Variants in DNM1L observed in about 807,000 individuals in gnomAD.
DNM1L encodes dynamin 1L, also known as dynamin-1-like protein.
In DNM1L, 33 loss-of-function variants were observed where a neutral mutation model predicts 92.8. The ratio of observed to expected loss-of-function variants is 0.36; its 90% confidence interval spans 0.27 to 0.48. The LOEUF (loss-of-function observed/expected upper bound fraction) is 0.48, where lower values mean the gene tolerates loss of function less well. DNM1L is among the 20% of genes least tolerant of loss of function. The probability of loss-of-function intolerance (pLI) is 0.99; values close to 1 mark genes in which losing one functional copy is unlikely to be tolerated. For synonymous variants in DNM1L, 284 were observed against 305.0 expected (o/e 0.93, Z 0.72); for missense variants, 485 against 888.8 (o/e 0.55, Z 5.78).
chr12:32,707,493 C>A, intron 3 of DNM1L, 80 bp downstream of exon 3: 1 of 1,010,150 alleles, frequency 9.9e-7, no homozygotes, highest in Non-Finnish European at 1.4e-6. Flanking sequence ...AGTTTCTAAT[C>A]ATTGGCAATT....
intron 1 of DNM1L, among the ~76,000 whole-genome samples, chr12:32,686,045 CTTTTTTTTTTTTTT>C (rs972264615): frequency 2.4e-5 from 2 of 82,688 alleles, no homozygotes; most frequent in Non-Finnish European, 4.5e-5. Flanking sequence ...TAAAATTAGC[CTTTTTTTTTTTTTT>C]TTTTTTTTGA....
intron 9 of DNM1L, chr12:32,727,108 T>C (rs1954197996): frequency 1.4e-6 from 1 of 732,836 alleles, no homozygotes; most frequent in Non-Finnish European, 2.5e-6. Flanking sequence ...TCTTCAGTCT[T>C]GGCCTTTTCT....
chr12:32,732,065 T>A, intron 12 of DNM1L, 122 bp downstream of exon 12: 1 of 718,522 alleles, frequency 1.4e-6, no homozygotes, highest in Non-Finnish European at 2.4e-6. Flanking sequence ...TTTTCCAGTG[T>A]ATTGGGAGGA....
chr12:32,701,921 T>G (rs1422627294), intron 2 of DNM1L, among the ~76,000 whole-genome samples: 1 of 149,770 alleles, frequency 6.7e-6, no homozygotes, highest in African/African-American at 2.4e-5. Context: ...AGAGACAGGG[T>G]TTCACTTTGT....
intron 9 of DNM1L, among the ~76,000 whole-genome samples, chr12:32,728,005 C>T (rs1250558918): frequency 6.6e-6 from 1 of 152,200 alleles, no homozygotes; most frequent in Non-Finnish European, 1.5e-5. Flanking sequence ...CATTTCTCTA[C>T]ACCCTCATTA....
chr12:32,686,866 T>C (rs1952030374), intron 1 of DNM1L, among the ~76,000 whole-genome samples: 1 of 152,142 alleles, frequency 6.6e-6, no homozygotes, highest in Non-Finnish European at 1.5e-5. Context: ...TAATGACTAA[T>C]GGTGTTGAAC....
intron 1 of DNM1L, among the ~76,000 whole-genome samples, chr12:32,688,582 G>A (rs1282421312): frequency 1.3e-5 from 2 of 152,058 alleles, no homozygotes; most frequent in African/African-American, 4.8e-5. Flanking sequence ...CTTCTCTCTT[G>A]CTGCTTTTAG....
intron 9 of DNM1L, among the ~76,000 whole-genome samples, chr12:32,730,000 GATA>G (rs1304132414): frequency 6.6e-6 from 1 of 152,190 alleles, no homozygotes; most frequent in Non-Finnish European, 1.5e-5. Flanking sequence ...TTTAAAAAAA[GATA>G]ATACCAGGGT....
intron 9 of DNM1L, among the ~76,000 whole-genome samples, chr12:32,729,818 TTCAG>T (rs1954428772): frequency 1.3e-5 from 2 of 152,196 alleles, no homozygotes; most frequent in Non-Finnish European, 2.9e-5. Flanking sequence ...AATTGAATCA[TTCAG>T]TATTTGTCCT....
At chr12:32,696,872 AC>A (rs201323148) in intron 1 of DNM1L, among the ~76,000 whole-genome samples, 21,088 of 149,534 alleles carry the variant, frequency 0.14, 1,503 homozygotes, top group Middle Eastern at 0.19. Context: ...TGATCTGCCC[AC>A]CTCGGCCTCC....
intron 1 of DNM1L, among the ~76,000 whole-genome samples, chr12:32,682,423 C>T (rs1008560125): frequency 3.3e-5 from 5 of 152,158 alleles, no homozygotes; most frequent in African/African-American, 4.8e-5. Context: ...TGAACCACCC[C>T]GCCTGGCCTA....
chr12:32,707,868 T>C (rs578057584), intron 3 of DNM1L, among the ~76,000 whole-genome samples: 1 of 152,016 alleles, frequency 6.6e-6, no homozygotes, highest in East Asian at 1.9e-4. Context: ...GGAGGATGGC[T>C]TGAGGATGTG....
Position 32,718,658 on chromosome 12 carries a change from C to G in DNM1L, c.635C>G (p.Ala212Gly), listed in dbSNP as rs750138115. The change falls in exon 7 of 20, where the codon GCT becomes GGT. Residue 212 changes from alanine (A) to glycine (G), a missense_variant. Coordinates refer to ENST00000549701, the MANE Select transcript of DNM1L (RefSeq NM_012062.5). ...EVDPDGRRTLAVITKLDLMDA... is the reference protein window; with the variant it reads ...EVDPDGRRTLGVITKLDLMDA... ...CATTTACCAGGTCGCAGAACCCTAG[C>G]TGTAATCACTAAACTTGATCTCATG... 11 of 1,613,888 alleles carry G rather than the reference C, an allele frequency of 6.8e-6. No homozygotes were observed. The Admixed American group carries it at 1.8e-4, about 27-fold the overall frequency.
intron 13 of DNM1L, 158 bp from the exon 14 acceptor site, chr12:32,736,947 C>G: frequency 1.4e-6 from 1 of 710,840 alleles, no homozygotes; most frequent in Non-Finnish European, 2.3e-6. Context: ...TAAATGATTT[C>G]TTATTTATTT....
At chr12:32,686,200 G>A (rs1240250992) in intron 1 of DNM1L, among the ~76,000 whole-genome samples, 1 of 151,816 alleles carries the variant, frequency 6.6e-6, no homozygotes, top group Admixed American at 6.6e-5. Flanking sequence ...ACAAGCATGT[G>A]CCATGCCTGG....
chr12:32,712,920 A>C lies in DNM1L; in HGVS notation c.457-289A>C, dbSNP rs146715365. Among the ~76,000 whole-genome samples the C allele has an allele frequency of 9.3e-3, 1,411 of 152,234 alleles. 17 individuals are homozygous for C. The highest frequency in any genetic ancestry group is 0.032 in the African/African-American group (1,327 of 41,536). On this transcript the variant is annotated intron_variant, in intron 5 of 19. Transcript: ENST00000549701. ...AAAATAGAGTAGGCTGCCAGTAAAC[A>C]CTTGGTAATTGAATGAATGAGTGAA...
At chr12:32,742,894 T>A in intron 19 of DNM1L, 146 bp downstream of exon 19, 1 of 809,208 alleles carries the variant, frequency 1.2e-6, no homozygotes, top group Non-Finnish European at 1.7e-6. Context: ...GAATCTTTTT[T>A]TTTTTTTTTT....
At chr12:32,703,057 C>CTTT in intron 2 of DNM1L, among the ~76,000 whole-genome samples, 1 of 139,856 alleles carries the variant, frequency 7.2e-6, no homozygotes, top group South Asian at 2.2e-4. Context: ...CTCTCTCTCT[C>CTTT]TTTTTTTTTT....
chr12:32,743,310 TA>T, intron 19 of DNM1L, 43 bp from the exon 20 acceptor site: 1 of 1,562,850 alleles, frequency 6.4e-7, no homozygotes, highest in Non-Finnish European at 8.8e-7. Flanking sequence ...ATTAATTTCA[TA>T]ACTTTATAAT....
Sources: gnomAD v4.1 joint callset for allele counts (sites outside exome capture counted in the v4.1 genomes callset) on GRCh38, gnomAD v4.1.1 for gene constraint, MANE v1.5 for transcripts, NCBI Gene and HGNC (gene_info 2026-07-23, HGNC 2026-07-21) for gene names.